UNC5B: variants seen among roughly 807,000 people sequenced by gnomAD.
The protein encoded by UNC5B is netrin receptor UNC5B.
Under a neutral mutation model 103.7 loss-of-function variants are expected in UNC5B, and 56 were observed. That is an observed-to-expected ratio of 0.54 (90% CI 0.44 to 0.67). The LOEUF (loss-of-function observed/expected upper bound fraction) is 0.67. Among genes scored for constraint, UNC5B ranks in the 30% least tolerant of loss-of-function variants. UNC5B has a pLI of 0.00. For missense variants in UNC5B, 1,194 were observed against 1,284.5 expected (o/e 0.93, Z 1.08); for synonymous variants, 577 against 542.0 (o/e 1.06, Z -0.90).
At chr10:71,286,912 A>AG (rs1845103629) in intron 5 of UNC5B, 43 bp downstream of exon 5, 2 of 1,599,372 alleles carry the variant, frequency 1.3e-6, no homozygotes, top group African/African-American at 2.7e-5. Flanking sequence ...CGGCCAAGGG[A>AG]GGGAGGAGAG....
chr10:71,276,965 G>A (rs1238463433), intron 1 of UNC5B, among the ~76,000 whole-genome samples: 2 of 152,266 alleles, frequency 1.3e-5, no homozygotes, highest in African/African-American at 4.8e-5. Context: ...CACTTGGCCT[G>A]CGCCCCTGCC....
rs767433527 is a variant in UNC5B, at chr10:71,293,813, G to A, written c.2055G>A (p.Glu685=). ...DQLGTYVFTG[E]SYSRSAVKRL... ...TGGGCACCTACGTGTTCACGGGCGAGTCCTATTCCCGCTCAGCAGTCAAGC... is the reference window on the plus strand; with the variant it reads ...TGGGCACCTACGTGTTCACGGGCGAATCCTATTCCCGCTCAGCAGTCAAGC... The change falls in exon 13 of 17, where the codon GAG becomes GAA. Residue 685 remains glutamate (E), a synonymous_variant. Coordinates refer to ENST00000335350, the MANE Select transcript of UNC5B (RefSeq NM_170744.5). 1.2e-6 allele frequency: 2 copies of A among 1,611,036 alleles called. No individual in the cohort carries two copies. The highest frequency in any genetic ancestry group is 1.1e-5 in the South Asian group (1 of 90,528).
At position 71,246,322 on chromosome 10, in the gene UNC5B, G is replaced by A. The variant is rs796499066; in HGVS notation, c.79+33258G>A. ...GGAGGACCCCAAGGGGAGAGGATCC[G>A]AGAGGTTCCTTCCAGAAGGATGGCT... On this transcript the variant is annotated intron_variant, in intron 1 of 16. Coordinates refer to ENST00000335350, the MANE Select transcript of UNC5B (RefSeq NM_170744.5). Among the ~76,000 whole-genome samples, 11 of 152,268 alleles carry A rather than the reference G, an allele frequency of 7.2e-5. 1 individual carries two copies. Among genetic ancestry groups the A allele is most frequent in the African/African-American group, 2.2e-4 (9 of 41,550 alleles).
intron 1 of UNC5B, among the ~76,000 whole-genome samples, chr10:71,260,237 G>T (rs866541793): frequency 6.6e-6 from 1 of 152,338 alleles, no homozygotes; most frequent in East Asian, 1.9e-4. Context: ...TGAGAAATCC[G>T]GCATTCCATT....
Position 71,285,435 on chromosome 10 carries a change from C to T in UNC5B, c.552+6C>T, listed in dbSNP as rs201762259. 38 of 1,582,772 alleles carry T rather than the reference C, an allele frequency of 2.4e-5. No homozygotes were observed. The highest frequency in any genetic ancestry group is 9.1e-5 in the East Asian group (4 of 43,812). On this transcript the variant is annotated splice_donor_region_variant and intron_variant, in intron 4 of 16. Coordinates refer to ENST00000335350, the MANE Select transcript of UNC5B (RefSeq NM_170744.5). ...AGGGGGTGCCTGTGGCCGAGGTGAG[C>T]GGGGACGTAGGGACCACTGAGCACG...
At chr10:71,233,794 T>C (rs2132252421) in intron 1 of UNC5B, among the ~76,000 whole-genome samples, 1 of 152,316 alleles carries the variant, frequency 6.6e-6, no homozygotes, top group South Asian at 2.1e-4. Context: ...AGCCTTTCCT[T>C]CTTTGTCAGG....
chr10:71,226,905 A>G (rs1564706560), intron 1 of UNC5B, among the ~76,000 whole-genome samples: 2 of 152,132 alleles, frequency 1.3e-5, no homozygotes, highest in Non-Finnish European at 2.9e-5. Context: ...TATATATACC[A>G]TGGAATACTA....
At chr10:71,239,513 C>G (rs761348499) in intron 1 of UNC5B, among the ~76,000 whole-genome samples, 3 of 152,134 alleles carry the variant, frequency 2.0e-5, no homozygotes, top group Non-Finnish European at 4.4e-5. Context: ...GCCCTGTTTC[C>G]CCATCACTAA....
chr10:71,254,765 A>C lies in UNC5B; in HGVS notation c.80-25056A>C, dbSNP rs1408940674. On this transcript the variant is annotated intron_variant, in intron 1 of 16. Transcript: ENST00000335350. ...ATAGGTTCCAGCTGTGCACGTGGTG[A>C]GCCTCCACCATTGGTCCTGCTTCCA... 3.3e-5 allele frequency among the ~76,000 whole-genome samples: 5 copies of C among 152,206 alleles called. No individual in the cohort carries two copies. The East Asian group carries it at 9.6e-4, about 29-fold the overall frequency.
chr10:71,245,047 C>G (rs1161954491), intron 1 of UNC5B, among the ~76,000 whole-genome samples: 1 of 152,244 alleles, frequency 6.6e-6, no homozygotes, highest in Non-Finnish European at 1.5e-5. Context: ...CTCGTTCCCA[C>G]GAGGAATCAG....
chr10:71,244,741 T>C (rs1265422917), intron 1 of UNC5B, among the ~76,000 whole-genome samples: 2 of 152,208 alleles, frequency 1.3e-5, no homozygotes, highest in Non-Finnish European at 2.9e-5. Flanking sequence ...CTGCAGCCGC[T>C]GCCAGCAAGG....
intron 1 of UNC5B, among the ~76,000 whole-genome samples, chr10:71,214,862 G>T (rs973235370): frequency 2.0e-5 from 3 of 152,188 alleles, no homozygotes; most frequent in Non-Finnish European, 4.4e-5. Flanking sequence ...GGCTTTGATG[G>T]ATTTGGGCAC....
chr10:71,268,794 C>T (rs1844579141), intron 1 of UNC5B, among the ~76,000 whole-genome samples: 1 of 152,196 alleles, frequency 6.6e-6, no homozygotes, highest in Admixed American at 6.5e-5. Context: ...GTCCGGGCAG[C>T]CCCTAGACCC....
Position 71,284,869 on chromosome 10 carries a change from C to T in UNC5B, c.448+6C>T. ...AGCCTACGTCCGCATCGCCTGTACG[C>T]CACCCTGACCCCCACCCTGTCCCTG... On this transcript the variant is annotated splice_donor_region_variant and intron_variant, in intron 3 of 16. Coordinates refer to ENST00000335350, the MANE Select transcript of UNC5B (RefSeq NM_170744.5). The T allele has an allele frequency of 6.3e-7, 1 of 1,588,274 alleles. No individual in the cohort carries two copies. The highest frequency in any genetic ancestry group is 8.6e-7 in the Non-Finnish European group (1 of 1,167,468).
At chr10:71,227,107 C>T (rs1369546767) in intron 1 of UNC5B, among the ~76,000 whole-genome samples, 2 of 151,970 alleles carry the variant, frequency 1.3e-5, no homozygotes, top group African/African-American at 2.4e-5. Context: ...GCCTCAGCCT[C>T]CCGAGTAGCT....
chr10:71,248,374 A>G (rs1352206644), intron 1 of UNC5B, among the ~76,000 whole-genome samples: 3 of 151,976 alleles, frequency 2.0e-5, no homozygotes, highest in Non-Finnish European at 4.4e-5. Flanking sequence ...AGCCCCCCGC[A>G]CCTCCAGAGC....
At chr10:71,276,068 T>C (rs990393125) in intron 1 of UNC5B, among the ~76,000 whole-genome samples, 3 of 152,152 alleles carry the variant, frequency 2.0e-5, no homozygotes, top group African/African-American at 7.2e-5. Context: ...AAAAATATAT[T>C]TTTTCTTTCA....
intron 1 of UNC5B, among the ~76,000 whole-genome samples, chr10:71,245,122 C>G (rs1243210044): frequency 6.6e-6 from 1 of 152,200 alleles, no homozygotes; most frequent in East Asian, 1.9e-4. Flanking sequence ...GACCTCCTCT[C>G]CCCCAACCCT....
intron 1 of UNC5B, among the ~76,000 whole-genome samples, chr10:71,254,097 G>A (rs1365639028): frequency 6.6e-6 from 1 of 152,142 alleles, no homozygotes; most frequent in Non-Finnish European, 1.5e-5. Flanking sequence ...AGTATTGTTG[G>A]GACTGGACTC....
Sources: allele counts gnomAD v4.1 joint callset (sites outside exome capture counted in the v4.1 genomes callset), GRCh38; gene constraint gnomAD v4.1.1; transcripts MANE v1.5; gene names NCBI Gene and HGNC (gene_info 2026-07-23, HGNC 2026-07-21).